Variants in SGSM1 observed in about 807,000 individuals in gnomAD.
SGSM1 encodes RUN and TBC1 domain containing 2.
A neutral mutation model predicts 133.8 loss-of-function variants in SGSM1; 73 were observed. The observed-to-expected ratio is 0.55, with a 90% CI of 0.45 to 0.66. The LOEUF (loss-of-function observed/expected upper bound fraction) is 0.66, where lower values mean the gene tolerates loss of function less well. Ranked by LOEUF, SGSM1 falls within the 30% of genes least tolerant of loss-of-function variation. The pLI, the probability that SGSM1 is intolerant of heterozygous loss-of-function variation, is 0.00. For synonymous variants in SGSM1, 563 were observed against 573.0 expected (o/e 0.98, Z 0.25); for missense variants, 1,213 against 1,448.1 (o/e 0.84, Z 2.64).
intron 2 of SGSM1, among the ~76,000 whole-genome samples, chr22:24,812,063 G>A (rs890136622): frequency 6.6e-6 from 1 of 151,530 alleles, no homozygotes; most frequent in East Asian, 1.9e-4. Flanking sequence ...TCAGCTACTC[G>A]GGATGCTGAG....
At chr22:24,909,949 T>G (rs999379854) in intron 21 of SGSM1, among the ~76,000 whole-genome samples, 7 of 152,206 alleles carry the variant, frequency 4.6e-5, no homozygotes, top group Non-Finnish European at 1.0e-4. Context: ...AGTCCAAATG[T>G]CCATCAAATT....
Sources: allele counts gnomAD v4.1 joint callset (sites outside exome capture counted in the v4.1 genomes callset), GRCh38; gene constraint gnomAD v4.1.1; transcripts MANE v1.5; gene names NCBI Gene and HGNC (gene_info 2026-07-23, HGNC 2026-07-21).